Variants in TGFB1I1 observed in about 807,000 individuals in gnomAD.
TGFB1I1 encodes transforming growth factor beta-1-induced transcript 1 protein.
In TGFB1I1, 33 loss-of-function variants were observed where a neutral mutation model predicts 52.0. The ratio of observed to expected loss-of-function variants is 0.63; its 90% CI spans 0.48 to 0.85. The LOEUF (loss-of-function observed/expected upper bound fraction) is 0.85, where lower values mean the gene tolerates loss of function less well. Ranked by LOEUF, TGFB1I1 falls within the 40% of genes least tolerant of loss-of-function variation. The pLI, the probability that TGFB1I1 is intolerant of heterozygous loss-of-function variation, is 0.00. For synonymous variants in TGFB1I1, 236 were observed against 253.3 expected (o/e 0.93, Z 0.65); for missense variants, 577 against 614.9 (o/e 0.94, Z 0.65).
rs1596613913 is a variant in TGFB1I1 at position 31,477,711 on chromosome 16, T to A, written c.*135T>A. 7.4e-6 allele frequency: 9 copies of A among 1,210,782 alleles called. No individual in the cohort carries two copies. Among genetic ancestry groups the A allele is most frequent in the Non-Finnish European group, 1.0e-5 (9 of 897,364 alleles). 75.0% of individuals were successfully genotyped at this position (1,210,782 alleles called of 1,614,324 possible). ...AGCCCCGCCCCTAAGGTACTATGAG[T>A]CCTCAGGGGTCAAGTTCAGAAACGG... On this transcript the variant is annotated 3_prime_UTR_variant, in exon 11 of 11. Transcript: ENST00000394863. This position sits in a 1 kb window ranked among gnomAD's most constrained non-coding sequence, Gnocchi z 4.7.
chr16:31,477,462 C>T lies in TGFB1I1; in HGVS notation c.1272C>T (p.Phe424=). The T allele has an allele frequency of 1.2e-6, 2 of 1,601,432 alleles. No individual in the cohort carries two copies. The highest frequency in any genetic ancestry group is 1.7e-6 in the Non-Finnish European group (2 of 1,174,520). The change falls in exon 11 of 11, where the codon TTC becomes TTT. Residue 424 remains phenylalanine (F), a synonymous_variant. Transcript: ENST00000394863. This position sits in a 1 kb window ranked among gnomAD's most constrained non-coding sequence, Gnocchi z 4.7. The part of the protein sequence containing the change: ...GRCVSALGRR[F]HPDHFTCTFC... ...GCGTGTCGGCCCTGGGTCGCCGCTT[C>T]CACCCGGACCACTTCACATGCACCT...
intron 1 of TGFB1I1, chr16:31,472,421 A>G (rs951829048): frequency 2.6e-6 from 2 of 758,498 alleles, no homozygotes; most frequent in East Asian, 9.4e-5. Context: ...GTGCTCCTCC[A>G]TCCCAGGCTG....
chr16:31,472,337 A>C, intron 1 of TGFB1I1, 136 bp downstream of exon 1: 20 of 1,271,358 alleles, frequency 1.6e-5, no homozygotes, highest in South Asian at 1.5e-4. Context: ...CTCCTTTCCA[A>C]CTCCACGTCC....
intron 7 of TGFB1I1, chr16:31,475,739 T>TA (rs906512726): frequency 1.3e-5 from 5 of 390,432 alleles, no homozygotes; most frequent in African/African-American, 6.2e-5. Flanking sequence ...ATTTTGATTT[T>TA]AAAAAAATTA....
At position 31,477,930 on chromosome 16, in the gene TGFB1I1, T is replaced by G; in HGVS notation, c.*354T>G. On this transcript the variant is annotated 3_prime_UTR_variant, in exon 11 of 11. Transcript: ENST00000394863. The surrounding 1 kb of genome is among the most constrained non-coding windows in gnomAD (Gnocchi z 4.7). The stretch of plus-strand genomic sequence containing the variant: ...CCCTCACTGTTCTGTGCACTTTTTC[T>G]ACCTACATAAACACACGCATTCCAC... 3.4e-6 allele frequency: 1 copy of G among 294,076 alleles called. No homozygotes were observed. The highest frequency in any genetic ancestry group is 6.4e-5 in the East Asian group (1 of 15,640). 18.2% of individuals were successfully genotyped at this position (294,076 alleles called of 1,614,324 possible).
chr16:31,474,928 G>C lies in TGFB1I1; in HGVS notation c.714+171G>C. On this transcript the variant is annotated intron_variant, in intron 7 of 10. Transcript: ENST00000394863. This position sits in a 1 kb window ranked among gnomAD's most constrained non-coding sequence, Gnocchi z 4.2. ...AAGCTCTGAACCACACAGCAGGTTA[G>C]TGGTAGGGTGAAAATTCCAACCATG... The C allele has an allele frequency of 2.9e-6, 2 of 679,374 alleles. No individual in the cohort carries two copies. The highest frequency in any genetic ancestry group is 3.8e-5 in the South Asian group (2 of 51,984). 42.1% of individuals were successfully genotyped at this position (679,374 alleles called of 1,614,324 possible). A position where few individuals can be genotyped will look rare whatever the true frequency, so the allele number is the denominator to read the frequency against.
chr16:31,472,178 C>G lies in TGFB1I1; in HGVS notation c.-11C>G. Reference sequence around the variant, plus strand: ...CCCTGTTCGCCCCGCGCCACCGGCCCGCGCCCCGCCATGGAGGACCTGGGT... The same window carrying G: ...CCCTGTTCGCCCCGCGCCACCGGCCGGCGCCCCGCCATGGAGGACCTGGGT... On this transcript the variant is annotated 5_prime_UTR_variant, in exon 1 of 11. Transcript: ENST00000394863. The G allele has an allele frequency of 6.8e-7, 1 of 1,470,030 alleles. No individual in the cohort carries two copies. The highest frequency in any genetic ancestry group is 9.0e-7 in the Non-Finnish European group (1 of 1,109,522). 91.1% of individuals were successfully genotyped at this position (1,470,030 alleles called of 1,614,324 possible). A position where few individuals can be genotyped will look rare whatever the true frequency, so the allele number is the denominator to read the frequency against.
rs764526517 is a variant in TGFB1I1, at chr16:31,477,937, A to G, written c.*361A>G. ...TGTTCTGTGCACTTTTTCTACCTACATAAACACACGCATTCCACCTCTCCC... is the reference window on the plus strand; with the variant it reads ...TGTTCTGTGCACTTTTTCTACCTACGTAAACACACGCATTCCACCTCTCCC... On this transcript the variant is annotated 3_prime_UTR_variant, in exon 11 of 11. Coordinates refer to ENST00000394863, the MANE Select transcript of TGFB1I1 (RefSeq NM_001042454.3). This position sits in a 1 kb window ranked among gnomAD's most constrained non-coding sequence, Gnocchi z 4.7. The G allele has an allele frequency of 1.8e-5, 5 of 270,346 alleles. No homozygotes were observed. The highest frequency in any genetic ancestry group is 7.2e-5 in the East Asian group (1 of 13,816). The allele number at this position is 270,346 out of a possible 1,614,324, so 16.7% of individuals were successfully genotyped here. A position where few individuals can be genotyped will look rare whatever the true frequency, so the allele number is the denominator to read the frequency against.
chr16:31,472,410 T>A, intron 1 of TGFB1I1: 1 of 811,338 alleles, frequency 1.2e-6, no homozygotes, highest in Non-Finnish European at 1.6e-6. Context: ...CTTCCCTCGC[T>A]GTGCTCCTCC....
rs2082435108 is a variant in TGFB1I1 at position 31,477,577 on chromosome 16, C to CA, written c.*2dup. The CA allele has an allele frequency of 1.3e-6, 2 of 1,598,244 alleles. No individual in the cohort carries two copies. Among genetic ancestry groups the CA allele is most frequent in the Non-Finnish European group, 8.5e-7 (1 of 1,173,190 alleles). Reference sequence around the variant, plus strand: ...CTGCTTCCTGAAGCTCTTCGGCTGACAGCCCGCTCGGCTCGCCCTCTCCCC... The same window carrying CA: ...CTGCTTCCTGAAGCTCTTCGGCTGACAAGCCCGCTCGGCTCGCCCTCTCCCC... On this transcript the variant is annotated 3_prime_UTR_variant, in exon 11 of 11. Coordinates refer to ENST00000394863, the MANE Select transcript of TGFB1I1 (RefSeq NM_001042454.3). This position sits in a 1 kb window ranked among gnomAD's most constrained non-coding sequence, Gnocchi z 4.7.
rs45580534 is a variant in TGFB1I1 at position 31,475,193 on chromosome 16, G to A, written c.714+436G>A. On this transcript the variant is annotated intron_variant, in intron 7 of 10. Coordinates refer to ENST00000394863, the MANE Select transcript of TGFB1I1 (RefSeq NM_001042454.3). ...GGGGTTAACCTAGTGCCCCCTGCTA[G>A]ATCAAGTACCTGACTCCCAGCCCAG... is the stretch of plus-strand genomic sequence containing the variant. 2.8e-3 allele frequency: 454 copies of A among 163,966 alleles called. 6 individuals carry two copies. The highest frequency in any genetic ancestry group is 0.025 in the Middle Eastern group (8 of 314). 10.2% of individuals were successfully genotyped at this position (163,966 alleles called of 1,614,324 possible).
intron 7 of TGFB1I1, chr16:31,475,792 G>A: frequency 5.9e-6 from 3 of 506,376 alleles, no homozygotes; most frequent in Non-Finnish European, 1.0e-5. Context: ...GGCTCCAGGC[G>A]CTGTGCCTGC....
At position 31,476,461 on chromosome 16, in the gene TGFB1I1, T is replaced by G; in HGVS notation, c.889-20T>G. 1 of 1,606,428 alleles carries G rather than the reference T, an allele frequency of 6.2e-7. No homozygotes were observed. The highest frequency in any genetic ancestry group is 8.5e-7 in the Non-Finnish European group (1 of 1,177,050). ...GCGAAGGCACGGAGGCCGCGCTGAG[T>G]GCCCTCTCCCTCCCTGCAGAAGATG... On this transcript the variant is annotated intron_variant, in intron 8 of 10. Coordinates refer to ENST00000394863, the MANE Select transcript of TGFB1I1 (RefSeq NM_001042454.3). The surrounding 1 kb of genome is among the most constrained non-coding windows in gnomAD (Gnocchi z 7.6).
In TGFB1I1 at chr16:31,473,673, G is replaced by C; in HGVS notation, c.130-9G>C. 6.4e-7 allele frequency: 1 copy of C among 1,567,540 alleles called. No individual in the cohort carries two copies. The highest frequency in any genetic ancestry group is 8.6e-7 in the Non-Finnish European group (1 of 1,156,176). On this transcript the variant is annotated splice_polypyrimidine_tract_variant and intron_variant, in intron 2 of 10. Coordinates refer to ENST00000394863, the MANE Select transcript of TGFB1I1 (RefSeq NM_001042454.3). ...CCTGTCATCCCACCTGTGCGTCTCC[G>C]CTCTGTAGACAGGGTCTGGGGAGTC...
chr16:31,474,724 C>T lies in TGFB1I1; in HGVS notation c.681C>T (p.Leu227=). 1 of 1,611,492 alleles carries T rather than the reference C, an allele frequency of 6.2e-7. No homozygotes were observed. Among genetic ancestry groups the T allele is most frequent in the Non-Finnish European group, 8.5e-7 (1 of 1,179,178 alleles). Reference sequence around the variant, plus strand: ...GTGTTCCCACCCAGGCCAAAGGCCTCTGTGGCTCCTGCAATAAACCTATTG... The same window carrying T: ...GTGTTCCCACCCAGGCCAAAGGCCTTTGTGGCTCCTGCAATAAACCTATTG... ...RRGVPTQAKG[L]CGSCNKPIAG... is the part of the protein sequence containing the mutation. The change falls in exon 7 of 11, where the codon CTC becomes CTT. Residue 227 remains leucine (L), a synonymous_variant. Transcript: ENST00000394863. This position sits in a 1 kb window ranked among gnomAD's most constrained non-coding sequence, Gnocchi z 4.2.
At chr16:31,475,964 CAT>C (rs2142597002) in intron 7 of TGFB1I1, 46 bp from the exon 8 acceptor site, 1 of 1,573,676 alleles carries the variant, frequency 6.4e-7, no homozygotes, top group African/African-American at 1.4e-5. Context: ...CCTCACTGGG[CAT>C]GTGGTTGTCA....
chr16:31,477,827 G>A lies in TGFB1I1; in HGVS notation c.*251G>A, dbSNP rs946321075. ...GCCTCCACTCTATTCCCACCCTTGA[G>A]GGAGCCCCCTTACTGGGGGAGGGTC... On this transcript the variant is annotated 3_prime_UTR_variant, in exon 11 of 11. Transcript: ENST00000394863. The surrounding 1 kb of genome is among the most constrained non-coding windows in gnomAD (Gnocchi z 4.7). 9 of 531,166 alleles carry A rather than the reference G, an allele frequency of 1.7e-5. No individual in the cohort carries two copies. Among genetic ancestry groups the A allele is most frequent in the Non-Finnish European group, 2.3e-5 (7 of 307,874 alleles). 32.9% of individuals were successfully genotyped at this position (531,166 alleles called of 1,614,324 possible).
chr16:31,477,449 T>G lies in TGFB1I1; in HGVS notation c.1259T>G (p.Leu420Arg). The G allele has an allele frequency of 6.2e-7, 1 of 1,600,528 alleles. No homozygotes were observed. The highest frequency in any genetic ancestry group is 1.7e-4 in the Middle Eastern group (1 of 6,050). The change falls in exon 11 of 11, where the codon CTG becomes CGG. Residue 420 changes from leucine (L) to arginine (R), a missense_variant. By Grantham distance (102) the Leu-to-Arg change is moderately radical. Coordinates refer to ENST00000394863, the MANE Select transcript of TGFB1I1 (RefSeq NM_001042454.3). This position sits in a 1 kb window ranked among gnomAD's most constrained non-coding sequence, Gnocchi z 4.7. Reference protein sequence around the residue: ...LPVTGRCVSALGRRFHPDHFT... With the variant: ...LPVTGRCVSARGRRFHPDHFT... ...GTGACCGGCCGCTGCGTGTCGGCCC[T>G]GGGTCGCCGCTTCCACCCGGACCAC...
Position 31,474,186 on chromosome 16 carries a change from G to A in TGFB1I1, c.360G>A (p.Val120=). The A allele has an allele frequency of 6.2e-7, 1 of 1,614,160 alleles. No homozygotes were observed. The highest frequency in any genetic ancestry group is 1.1e-5 in the South Asian group (1 of 91,078). ...EIMSQFPSSK[V]ASGEQKEDQS... ...TGTCTCAGTTCCCATCTAGCAAGGT[G>A]GCTTCAGGAGAGCAGAAGGAGGACC... Residue 120 remains valine (V), a synonymous_variant, in exon 5 of 11, where the codon GTG becomes GTA. Transcript: ENST00000394863. The surrounding 1 kb of genome is among the most constrained non-coding windows in gnomAD (Gnocchi z 4.2).
Sources: allele counts gnomAD v4.1 joint callset, GRCh38; gene constraint gnomAD v4.1.1; non-coding constraint Gnocchi (gnomAD v3.1); transcripts MANE v1.5; gene names NCBI Gene and HGNC (gene_info 2026-07-23, HGNC 2026-07-21).